Variants in NPAS3 observed in about 807,000 individuals in gnomAD.
The protein encoded by NPAS3 is neuronal PAS domain-containing protein 3.
NPAS3 carries 14 observed loss-of-function variants against 73.1 expected under a neutral mutation model. The observed-to-expected ratio is 0.19, with a 90% CI of 0.13 to 0.30. The LOEUF is 0.30. Ranked by LOEUF, NPAS3 falls within the 10% of genes least tolerant of loss-of-function variation. The pLI is 1.00. For missense variants in NPAS3, 1,096 were observed against 1,250.0 expected, an observed-to-expected ratio of 0.88 and a Z score of 1.86; for synonymous variants, 620 against 541.5, an observed-to-expected ratio of 1.14 and a Z score of -2.01.
chr14:33,649,653 T>C (rs2058934867), intron 5 of NPAS3, among the ~76,000 whole-genome samples: 1 of 152,130 alleles, frequency 6.6e-6, no homozygotes, highest in African/African-American at 2.4e-5. Flanking sequence ...GTGGAAGAAG[T>C]GAGCTGAATT....
At chr14:33,610,651 T>C (rs568017459) in intron 5 of NPAS3, among the ~76,000 whole-genome samples, 2 of 152,366 alleles carry the variant, frequency 1.3e-5, no homozygotes, top group East Asian at 3.9e-4. Flanking sequence ...AAAATAGCAA[T>C]GTAGCTTCAA....
chr14:33,381,557 A>T (rs986064661), intron 4 of NPAS3, among the ~76,000 whole-genome samples: 1 of 152,190 alleles, frequency 6.6e-6, no homozygotes, highest in Non-Finnish European at 1.5e-5. Context: ...TGGGGGAAAA[A>T]GTAGTAAAGG....
intron 3 of NPAS3, among the ~76,000 whole-genome samples, chr14:33,330,733 T>G (rs12883968): frequency 4.9e-4 from 74 of 152,302 alleles, no homozygotes; most frequent in South Asian, 2.1e-3. Flanking sequence ...CACTTAACAT[T>G]CACTTTGGAG....
intron 1 of NPAS3, among the ~76,000 whole-genome samples, chr14:32,986,000 A>G (rs750296762): frequency 1.1e-4 from 17 of 152,314 alleles, no homozygotes; most frequent in Non-Finnish European, 2.5e-4. Context: ...GGCTGCAGCC[A>G]TTGTCACTAC....
chr14:33,451,204 C>A (rs1218378293), intron 4 of NPAS3, among the ~76,000 whole-genome samples: 1 of 152,204 alleles, frequency 6.6e-6, no homozygotes, highest in Non-Finnish European at 1.5e-5. Context: ...TGCCCCAAAT[C>A]ATCAATTGAT....
At chr14:32,954,741 CA>C (rs1761943249) in intron 1 of NPAS3, among the ~76,000 whole-genome samples, 1 of 152,124 alleles carries the variant, frequency 6.6e-6, no homozygotes, top group South Asian at 2.1e-4. Context: ...AGCATTTTTG[CA>C]CTCTCAAATT....
intron 2 of NPAS3, among the ~76,000 whole-genome samples, chr14:33,062,379 A>T (rs7151730): frequency 0.35 from 52,292 of 151,390 alleles, 9,323 homozygotes; most frequent in African/African-American, 0.43. Context: ...ATCTTGAAGG[A>T]CTCTCCCAAT....
At position 33,221,382 on chromosome 14, in the gene NPAS3, G is replaced by A. The variant is rs556886853; in HGVS notation, c.385+5956G>A. ...AACATGGCCAATTTCACAGATAGAA[G>A]ATGAAGAACATGAATCTGTAATTTA... On this transcript the variant is annotated intron_variant, in intron 3 of 11. Transcript: ENST00000356141. 2.6e-5 allele frequency among the ~76,000 whole-genome samples: 4 copies of A among 152,292 alleles called. No individual in the cohort carries two copies. In the East Asian group the frequency reaches 5.8e-4, roughly 22 times the overall value.
chr14:33,210,753 A>C (rs936645472), intron 2 of NPAS3, among the ~76,000 whole-genome samples: 1 of 146,320 alleles, frequency 6.8e-6, no homozygotes, highest in Non-Finnish European at 1.5e-5. Flanking sequence ...GTCACCTTTT[A>C]TCTGTTATTG....
chr14:33,221,004 T>G (rs1367281902), intron 3 of NPAS3, among the ~76,000 whole-genome samples: 7 of 152,144 alleles, frequency 4.6e-5, no homozygotes, highest in African/African-American at 1.7e-4. Context: ...AACAACAAGC[T>G]TTTACTCATG....
chr14:33,343,075 T>C (rs1444086111), intron 3 of NPAS3, among the ~76,000 whole-genome samples: 1 of 152,220 alleles, frequency 6.6e-6, no homozygotes, highest in African/African-American at 2.4e-5. Context: ...CAGTTCAGCT[T>C]TTATGCCAAC....
In NPAS3 at chr14:33,544,059, C is replaced by G. The variant is rs564687620; in HGVS notation, c.469-16062C>G. Among the ~76,000 whole-genome samples, 5 of 131,374 alleles carry G rather than the reference C, an allele frequency of 3.8e-5. No homozygotes were observed. In the East Asian group the frequency reaches 8.8e-4, roughly 23 times the overall value. The allele number at this position is 131,374 out of a possible 152,430, so 86.2% of individuals were successfully genotyped here. On this transcript the variant is annotated intron_variant, in intron 4 of 11. Transcript: ENST00000356141. The stretch of plus-strand genomic sequence containing the variant: ...GGGTTAGTTCATGTAGAGTCCTTCT[C>G]CCAGGGTCTGGCACAGAGACCACCT...
chr14:33,730,851 A>T (rs566015730), intron 6 of NPAS3, among the ~76,000 whole-genome samples: 1 of 152,218 alleles, frequency 6.6e-6, no homozygotes, highest in African/African-American at 2.4e-5. Flanking sequence ...GCCTTGTTAA[A>T]GTCATTTTGG....
chr14:33,037,387 G>C (rs988201707), intron 1 of NPAS3, among the ~76,000 whole-genome samples: 6 of 151,394 alleles, frequency 4.0e-5, no homozygotes, highest in African/African-American at 1.5e-4. Flanking sequence ...GCTCATGTCT[G>C]TCATCTCAGC....
At chr14:33,219,182 A>G (rs1264788213) in intron 3 of NPAS3, among the ~76,000 whole-genome samples, 1 of 152,190 alleles carries the variant, frequency 6.6e-6, no homozygotes, top group Non-Finnish European at 1.5e-5. Flanking sequence ...TTGGTAAATC[A>G]CTTCTCCATT....
intron 2 of NPAS3, among the ~76,000 whole-genome samples, chr14:33,096,602 GGGAGT>G (rs2042426669): frequency 6.6e-6 from 1 of 152,032 alleles, no homozygotes; most frequent in Non-Finnish European, 1.5e-5. Flanking sequence ...TCCTTGTATG[GGGAGT>G]AATAAAATTG....
intron 6 of NPAS3, among the ~76,000 whole-genome samples, chr14:33,729,723 G>C (rs2061355846): frequency 6.6e-6 from 1 of 152,130 alleles, no homozygotes; most frequent in Non-Finnish European, 1.5e-5. Context: ...CAAGGAGGGA[G>C]CTGCTGTGCT....
Position 33,308,527 on chromosome 14 carries a change from T to TATATATACACACACAC in NPAS3, c.386-58658_386-58657insTATATACACACACACA. On this transcript the variant is annotated intron_variant, in intron 3 of 11. Coordinates refer to ENST00000356141, the Ensembl canonical transcript of NPAS3. ...TGCATAGTTTATATATATATATATA[T>TATATATACACACACAC]ACATACACACACACACACACACACA... 1.6e-3 allele frequency among the ~76,000 whole-genome samples: 162 copies of TATATATACACACACAC among 103,728 alleles called. 3 individuals carry two copies. Among genetic ancestry groups the TATATATACACACACAC allele is most frequent in the East Asian group, 8.9e-3 (31 of 3,502 alleles). 68.0% of individuals were successfully genotyped at this position (103,728 alleles called of 152,430 possible). A position where few individuals can be genotyped will look rare whatever the true frequency, so the allele number is the denominator to read the frequency against.
At chr14:33,754,225 T>C (rs1263129552) in intron 7 of NPAS3, among the ~76,000 whole-genome samples, 1 of 152,114 alleles carries the variant, frequency 6.6e-6, no homozygotes, top group African/African-American at 2.4e-5. Context: ...TTTTCCCTGA[T>C]ATTCTTTAAA....
Sources: gnomAD v4.1 joint callset for allele counts (sites outside exome capture counted in the v4.1 genomes callset) on GRCh38, gnomAD v4.1.1 for gene constraint, MANE v1.5 for transcripts, NCBI Gene and HGNC (gene_info 2026-07-23, HGNC 2026-07-21) for gene names.